GTF2IRD1: variants seen among roughly 807,000 people sequenced by gnomAD.
GTF2IRD1 encodes the protein general transcription factor II-I repeat domain-containing protein 1.
GTF2IRD1 carries 26 observed loss-of-function variants against 113.2 expected under a neutral mutation model. That is an observed-to-expected ratio of 0.23 (90% CI 0.17 to 0.32). The LOEUF is 0.32. Among genes scored for constraint, GTF2IRD1 ranks in the 10% least tolerant of loss-of-function variants. The pLI is 1.00. For missense variants in GTF2IRD1, 864 were observed against 1,280.8 expected (o/e 0.67, Z 4.97); for synonymous variants, 484 against 529.1 (o/e 0.91, Z 1.17).
intron 24 of GTF2IRD1, among the ~76,000 whole-genome samples, chr7:74,594,772 T>G (rs1293180323): frequency 1.3e-5 from 2 of 151,426 alleles, no homozygotes; most frequent in African/African-American, 4.9e-5. Context: ...GCCAACATGG[T>G]GAAACCCCGT....
At chr7:74,548,713 G>A (rs1799108747) in intron 17 of GTF2IRD1, among the ~76,000 whole-genome samples, 1 of 151,992 alleles carries the variant, frequency 6.6e-6, no homozygotes, top group South Asian at 2.1e-4. Flanking sequence ...AGACTAGCAT[G>A]GGCAACATAA....
At chr7:74,540,444 C>T (rs1330524580) in intron 14 of GTF2IRD1, among the ~76,000 whole-genome samples, 7 of 151,504 alleles carry the variant, frequency 4.6e-5, no homozygotes, top group African/African-American at 7.3e-5. Flanking sequence ...CCGTGCCTGG[C>T]CATAGGCTCC....
At chr7:74,505,296 C>T (rs782590401) in intron 1 of GTF2IRD1, among the ~76,000 whole-genome samples, 1 of 152,194 alleles carries the variant, frequency 6.6e-6, no homozygotes, top group Non-Finnish European at 1.5e-5. Flanking sequence ...TCTCATCTTC[C>T]CCCGCTTCTC....
intron 17 of GTF2IRD1, among the ~76,000 whole-genome samples, chr7:74,554,903 A>G (rs587758385): frequency 2.4e-4 from 37 of 152,280 alleles, no homozygotes; most frequent in African/African-American, 8.9e-4. Context: ...AATCCCAGGC[A>G]GTGACAATCG....
At chr7:74,551,558 G>A (rs1337138694) in intron 17 of GTF2IRD1, among the ~76,000 whole-genome samples, 2 of 152,148 alleles carry the variant, frequency 1.3e-5, no homozygotes, top group African/African-American at 4.8e-5. Context: ...GAGTGAGGGG[G>A]AGAGAGGGAC....
intron 1 of GTF2IRD1, among the ~76,000 whole-genome samples, chr7:74,504,254 T>TA (rs1554340389): frequency 6.6e-6 from 1 of 151,124 alleles, no homozygotes; most frequent in African/African-American, 2.4e-5. Flanking sequence ...AAGTTGACTT[T>TA]TGAACCCAAA....
chr7:74,533,645 G>A (rs1798106434), intron 9 of GTF2IRD1, among the ~76,000 whole-genome samples: 1 of 152,084 alleles, frequency 6.6e-6, no homozygotes, highest in African/African-American at 2.4e-5. Context: ...CTAGCTCACT[G>A]CTCTCTCTCC....
chr7:74,532,884 C>T (rs1484337787), intron 9 of GTF2IRD1, among the ~76,000 whole-genome samples: 1 of 152,196 alleles, frequency 6.6e-6, no homozygotes, highest in Non-Finnish European at 1.5e-5. Context: ...CTCCTACATT[C>T]CCCCTAGAGC....
intron 1 of GTF2IRD1, among the ~76,000 whole-genome samples, chr7:74,492,573 G>A (rs907418149): frequency 2.0e-5 from 3 of 152,156 alleles, no homozygotes; most frequent in Non-Finnish European, 2.9e-5. Flanking sequence ...CAATGATGTT[G>A]ATTGAGTCTT....
At chr7:74,506,534 C>G (rs1796303963) in intron 1 of GTF2IRD1, 1 of 152,196 alleles carries the variant, frequency 6.6e-6, no homozygotes. Flanking sequence ...GAACTGCAGC[C>G]CTGCTCTCTG....
At chr7:74,521,118 C>A in intron 6 of GTF2IRD1, 90 bp from the exon 7 acceptor site, 1 of 732,686 alleles carries the variant, frequency 1.4e-6, no homozygotes, top group Non-Finnish European at 2.4e-6. Context: ...GAGGCTGTTA[C>A]CCCAGAGCCA....
Position 74,590,980 on chromosome 7 carries a change from C to G in GTF2IRD1, c.2554C>G (p.Arg852Gly). 3.1e-6 allele frequency: 5 copies of G among 1,613,084 alleles called. No individual in the cohort carries two copies. The highest frequency in any genetic ancestry group is 4.2e-6 in the Non-Finnish European group (5 of 1,179,860). ...IHRLEKILKA[R>G]EHVRMVIINQ... ...CCGGCTGGAGAAGATCCTGAAGGCC[C>G]GAGAGCATGTCCGCATGGTCATCAT... is the stretch of plus-strand genomic sequence containing the variant. Residue 852 changes from arginine to glycine, a missense_variant, in exon 24 of 27, where the codon CGA (arginine) becomes GGA (glycine). Around this residue, in one of 7 missense-constraint regions of GTF2IRD1, gnomAD observed 195 missense variants for 359.1 expected, o/e 0.54. Transcript: ENST00000424337.
intron 13 of GTF2IRD1, among the ~76,000 whole-genome samples, chr7:74,539,051 G>T (rs1798474906): frequency 6.6e-6 from 1 of 152,148 alleles, no homozygotes; most frequent in Non-Finnish European, 1.5e-5. Context: ...GGTGTGAGAG[G>T]CTCTGAGTTT....
intron 1 of GTF2IRD1, among the ~76,000 whole-genome samples, chr7:74,465,626 C>G (rs782797742): frequency 6.6e-6 from 1 of 152,128 alleles, no homozygotes; most frequent in Non-Finnish European, 1.5e-5. Flanking sequence ...CGTGATGACC[C>G]CAGAAGCTGG....
At position 74,513,012 on chromosome 7, in the gene GTF2IRD1, C is replaced by T. The variant is rs782302127; in HGVS notation, c.265+41C>T. On this transcript the variant is annotated intron_variant, in intron 3 of 26. Transcript: ENST00000424337. ...CTCCGGAGGGCCGGGCCCGCCATTT[C>T]CCGAGGGCAGGCGCTCTAGCCCATC... The T allele has an allele frequency of 2.9e-5, 47 of 1,601,494 alleles. 1 individual carries two copies. In the African/African-American group the frequency reaches 4.8e-4, roughly 16 times the overall value.
At position 74,495,912 on chromosome 7, in the gene GTF2IRD1, G is replaced by A. The variant is rs552344103; in HGVS notation, c.-6-12163G>A. On this transcript the variant is annotated intron_variant, in intron 1 of 26. Transcript: ENST00000424337. The stretch of plus-strand genomic sequence containing the variant: ...TGGAGGGTGAGGTCATGCCCTGCGC[G>A]TCTCTGTGTCCCAGCACGACTGTGG... 4.6e-5 allele frequency among the ~76,000 whole-genome samples: 7 copies of A among 152,274 alleles called. No individual in the cohort carries two copies. In the South Asian group the frequency reaches 1.0e-3, roughly 23 times the overall value.
chr7:74,559,082 T>C (rs782535227), intron 21 of GTF2IRD1, 38 bp downstream of exon 21: 3 of 1,569,930 alleles, frequency 1.9e-6, no homozygotes, highest in South Asian at 2.3e-5. Context: ...GAGGCAGGAC[T>C]AGCTCAGATG....
At chr7:74,522,806 T>C (rs1395820615) in intron 7 of GTF2IRD1, among the ~76,000 whole-genome samples, 6 of 152,250 alleles carry the variant, frequency 3.9e-5, no homozygotes, top group African/African-American at 1.4e-4. Flanking sequence ...TATCTCTGTT[T>C]AAAACTTGTC....
chr7:74,555,712 G>A lies in GTF2IRD1; in HGVS notation c.2023+218G>A, dbSNP rs782432989. 6.6e-6 allele frequency among the ~76,000 whole-genome samples: 1 copy of A among 152,116 alleles called. No individual in the cohort carries two copies. Among genetic ancestry groups the A allele is most frequent in the East Asian group, 1.9e-4 (1 of 5,178 alleles). On this transcript the variant is annotated intron_variant, in intron 19 of 26. Coordinates refer to ENST00000424337, the MANE Select transcript of GTF2IRD1 (RefSeq NM_005685.4). The surrounding 1 kb of genome is among the most constrained non-coding windows in gnomAD (Gnocchi z 5.3). ...GGGGGTGCCTACAGGTGGACGGTCGGGGGAGCCCAGGAGCCTGCCTGCCCC... is the reference window on the plus strand; with the variant it reads ...GGGGGTGCCTACAGGTGGACGGTCGAGGGAGCCCAGGAGCCTGCCTGCCCC...
Sources: allele counts gnomAD v4.1 joint callset (sites outside exome capture counted in the v4.1 genomes callset), GRCh38; gene constraint gnomAD v4.1.1; regional missense constraint gnomAD v4.1.1; non-coding constraint Gnocchi (gnomAD v3.1); transcripts MANE v1.5; gene names NCBI Gene and HGNC (gene_info 2026-07-23, HGNC 2026-07-21).